The following EIPR1 variants were observed in gnomAD, a reference collection of about 807,000 sequenced individuals.
EIPR1 encodes the protein EARP and GARP complex-interacting protein 1.
In EIPR1, 25 loss-of-function variants were observed where a neutral mutation model predicts 48.1. The observed-to-expected ratio is 0.52, with a 90% confidence interval of 0.38 to 0.73. EIPR1 has a LOEUF of 0.73. Ranked by LOEUF, EIPR1 falls within the 30% of genes least tolerant of loss-of-function variation. The pLI, the probability that EIPR1 is intolerant of heterozygous loss-of-function variation, is 0.00. For missense variants in EIPR1, 415 were observed against 506.2 expected, an observed-to-expected ratio of 0.82 and a Z score of 1.73; for synonymous variants, 204 against 201.9, an observed-to-expected ratio of 1.01 and a Z score of -0.09.
In EIPR1 at chr2:3,208,744, T is replaced by A. The variant is rs1190848662; in HGVS notation, c.516+5405A>T. On this transcript the variant is annotated intron_variant, in intron 5 of 8. Coordinates refer to ENST00000382125, the MANE Select transcript of EIPR1 (RefSeq NM_003310.5). ...ATGCGTGAGGCTCGTGGCGGGTCCT[T>A]CTGTGAGTGAGGCCCGTGGCGAGTC... The A allele has an allele frequency of 1.9e-6, 3 of 1,544,952 alleles. No individual in the cohort carries two copies. In the South Asian group the frequency reaches 3.6e-5, roughly 18 times the overall value.
At chr2:3,296,529 C>CAT in intron 3 of EIPR1, among the ~76,000 whole-genome samples, 1 of 148,064 alleles carries the variant, frequency 6.8e-6, no homozygotes, top group Non-Finnish European at 1.5e-5. Flanking sequence ...TCTCTACACA[C>CAT]ACACCCTCCA....
At chr2:3,208,967 C>A in intron 5 of EIPR1, 2 of 1,483,236 alleles carry the variant, frequency 1.3e-6, no homozygotes, top group South Asian at 1.4e-5. Context: ...TCTAATAGGA[C>A]AAGGGAAGAG....
intron 4 of EIPR1, chr2:3,214,556 T>G: frequency 4.7e-6 from 1 of 211,804 alleles, no homozygotes; most frequent in Non-Finnish European, 9.5e-6. Flanking sequence ...AAGTTTAAAA[T>G]ACCGTGAGCT....
intron 3 of EIPR1, among the ~76,000 whole-genome samples, chr2:3,302,255 A>C (rs1432789799): frequency 1.3e-5 from 2 of 152,194 alleles, no homozygotes; most frequent in African/African-American, 4.8e-5. Flanking sequence ...CTAATGAATC[A>C]CAGGATCAGA....
intron 4 of EIPR1, among the ~76,000 whole-genome samples, chr2:3,254,234 A>C (rs561625271): frequency 1.7e-3 from 263 of 152,314 alleles, no homozygotes; most frequent in Admixed American, 3.7e-3. Flanking sequence ...AAGAACACGC[A>C]TGATGACACC....
intron 3 of EIPR1, among the ~76,000 whole-genome samples, chr2:3,278,035 G>C (rs1667909388): frequency 6.6e-6 from 1 of 152,150 alleles, no homozygotes; most frequent in Admixed American, 6.5e-5. Context: ...CCCTCACTAG[G>C]GAACTGCCCT....
At chr2:3,314,717 G>C (rs58957811) in intron 3 of EIPR1, among the ~76,000 whole-genome samples, 4,322 of 151,886 alleles carry the variant, frequency 0.028, 204 homozygotes, top group African/African-American at 0.1. Context: ...TCTGGTTCTA[G>C]GCTCCGATGC....
chr2:3,273,604 CTG>C (rs763066603), intron 3 of EIPR1, among the ~76,000 whole-genome samples: 2 of 152,206 alleles, frequency 1.3e-5, no homozygotes, highest in Non-Finnish European at 2.9e-5. Context: ...AACCTGAAAA[CTG>C]CACTGATCCT....
intron 3 of EIPR1, among the ~76,000 whole-genome samples, chr2:3,324,200 A>T (rs1318614496): frequency 1.3e-5 from 2 of 152,184 alleles, no homozygotes; most frequent in Non-Finnish European, 2.9e-5. Flanking sequence ...TGCACGAGCG[A>T]CATGTGGCAC....
intron 4 of EIPR1, among the ~76,000 whole-genome samples, chr2:3,243,049 C>G (rs1156521054): frequency 6.6e-6 from 1 of 152,176 alleles, no homozygotes; most frequent in African/African-American, 2.4e-5. Flanking sequence ...GGAACGCTTT[C>G]TGACAGGCAA....
intron 3 of EIPR1, among the ~76,000 whole-genome samples, chr2:3,299,183 G>C (rs1264457150): frequency 1.4e-4 from 21 of 152,352 alleles, no homozygotes; most frequent in African/African-American, 5.1e-4. Context: ...CTGTTGCTGA[G>C]AATGTCGCTG....
intron 4 of EIPR1, among the ~76,000 whole-genome samples, chr2:3,222,206 G>A (rs1053283306): frequency 2.0e-5 from 3 of 152,194 alleles, no homozygotes; most frequent in African/African-American, 7.2e-5. Context: ...GAAGAAAATG[G>A]GTCATCTTAG....
intron 4 of EIPR1, among the ~76,000 whole-genome samples, chr2:3,229,787 G>C (rs761542996): frequency 2.0e-5 from 3 of 152,196 alleles, no homozygotes; most frequent in Non-Finnish European, 4.4e-5. Flanking sequence ...TTTCAGCACA[G>C]ATCTTCAACG....
intron 2 of EIPR1, among the ~76,000 whole-genome samples, chr2:3,350,893 C>T (rs1670551742): frequency 1.0e-5 from 1 of 99,840 alleles, no homozygotes; most frequent in Non-Finnish European, 2.0e-5. Flanking sequence ...AGAAAGGAGA[C>T]AGAAAAACTG....
intron 2 of EIPR1, among the ~76,000 whole-genome samples, chr2:3,352,153 C>A (rs2103372300): frequency 6.9e-6 from 1 of 145,404 alleles, no homozygotes; most frequent in Admixed American, 6.8e-5. Context: ...TGCCCCTGAG[C>A]CACCCACACT....
intron 3 of EIPR1, among the ~76,000 whole-genome samples, chr2:3,269,990 A>C (rs543733394): frequency 1.3e-5 from 2 of 152,352 alleles, no homozygotes; most frequent in African/African-American, 4.8e-5. Flanking sequence ...TAGGTGCTCC[A>C]TGAAGAAATG....
intron 1 of EIPR1, among the ~76,000 whole-genome samples, chr2:3,360,175 G>A (rs1265168564): frequency 2.0e-5 from 3 of 152,004 alleles, no homozygotes; most frequent in South Asian, 2.1e-4. Flanking sequence ...AGGCCGAGGC[G>A]AGCAGATCAC....
chr2:3,260,519 G>A (rs201446488), intron 3 of EIPR1, among the ~76,000 whole-genome samples: 2 of 24,574 alleles, frequency 8.1e-5, no homozygotes, highest in South Asian at 2.7e-3. Context: ...GGGAGGGAGG[G>A]AGGGAGGGAG....
chr2:3,299,449 G>A (rs1012708823), intron 3 of EIPR1, among the ~76,000 whole-genome samples: 2 of 152,194 alleles, frequency 1.3e-5, no homozygotes, highest in African/African-American at 2.4e-5. Context: ...GACTGGGCGC[G>A]GCCTTGTTAC....
Sources: gnomAD v4.1 joint callset for allele counts (sites outside exome capture counted in the v4.1 genomes callset) on GRCh38, gnomAD v4.1.1 for gene constraint, MANE v1.5 for transcripts, NCBI Gene and HGNC (gene_info 2026-07-23, HGNC 2026-07-21) for gene names.